CDK5RAP2: variants seen among roughly 807,000 people sequenced by gnomAD.
CDK5RAP2 encodes the protein CDK5 regulatory subunit associated protein 2.
In CDK5RAP2, 147 loss-of-function variants were observed where a neutral mutation model predicts 232.9. The ratio of observed to expected loss-of-function variants is 0.63; its 90% CI spans 0.55 to 0.72. The LOEUF is 0.72. Among genes scored for constraint, CDK5RAP2 ranks in the 30% least tolerant of loss-of-function variants. CDK5RAP2 has a pLI of 0.00. For missense variants in CDK5RAP2, 2,195 were observed against 2,231.5 expected (o/e 0.98, Z 0.33); for synonymous variants, 833 against 833.7 (o/e 1.00, Z 0.01).
At chr9:120,493,048 C>T (rs961760052) in intron 12 of CDK5RAP2, among the ~76,000 whole-genome samples, 9 of 152,182 alleles carry the variant, frequency 5.9e-5, no homozygotes, top group Non-Finnish European at 1.2e-4. Flanking sequence ...AAAGTATAGT[C>T]CCTAGAACAG....
intron 10 of CDK5RAP2, among the ~76,000 whole-genome samples, 187 bp downstream of exon 10, chr9:120,527,619 T>G (rs2040962581): frequency 6.6e-6 from 1 of 152,204 alleles, no homozygotes; most frequent in Non-Finnish European, 1.5e-5. Flanking sequence ...ATATGATATT[T>G]CTATTGGACA....
At chr9:120,480,451 G>A (rs1241802826) in intron 14 of CDK5RAP2, among the ~76,000 whole-genome samples, 1 of 152,124 alleles carries the variant, frequency 6.6e-6, no homozygotes, top group Non-Finnish European at 1.5e-5. Context: ...TAGTTATTTT[G>A]TATATGTTGC....
chr9:120,573,259 T>C (rs903119945), intron 1 of CDK5RAP2, among the ~76,000 whole-genome samples: 21 of 151,998 alleles, frequency 1.4e-4, no homozygotes, highest in African/African-American at 4.6e-4. Context: ...CACAAAAAAA[T>C]GTGTCCGGGC....
At position 120,408,357 on chromosome 9, in the gene CDK5RAP2, C is replaced by G; in HGVS notation, c.4716G>C (p.Arg1572Ser). The G allele has an allele frequency of 1.2e-6, 2 of 1,614,096 alleles. No individual in the cohort carries two copies. The highest frequency in any genetic ancestry group is 2.2e-5 in the South Asian group (2 of 91,086). ...GAAGGGCCTCAGTACCTCTCAGTCT[C>G]CTGTGCTCTTCATCCAGCTTCTCAT... ...KAYEKLDEEH[R>S]RLREASGEGW... The change falls in exon 31 of 38, where the codon AGG (arginine) becomes AGC (serine). Residue 1572 changes from arginine to serine, a missense_variant. By Grantham distance (110) the Arg-to-Ser change is moderately radical. Coordinates refer to ENST00000349780, the MANE Select transcript of CDK5RAP2 (RefSeq NM_018249.6).
intron 10 of CDK5RAP2, among the ~76,000 whole-genome samples, chr9:120,526,756 C>T (rs1409592575): frequency 1.3e-5 from 2 of 152,140 alleles, no homozygotes; most frequent in Non-Finnish European, 2.9e-5. Flanking sequence ...GAAGAAGCTT[C>T]ACCTTCTTCT....
At chr9:120,540,807 T>A (rs2041599461) in intron 5 of CDK5RAP2, among the ~76,000 whole-genome samples, 1 of 152,210 alleles carries the variant, frequency 6.6e-6, no homozygotes. Flanking sequence ...CTGATCAGAG[T>A]GCTCTGCACA....
chr9:120,402,945 T>C lies in CDK5RAP2; in HGVS notation c.5168A>G (p.Asn1723Ser), dbSNP rs1462182643. 3.7e-6 allele frequency: 6 copies of C among 1,614,036 alleles called. No individual in the cohort carries two copies. The Admixed American group carries it at 8.3e-5, about 22-fold the overall frequency. The change falls in exon 34 of 38, where the codon AAT becomes AGT. Residue 1723 changes from asparagine (N) to serine (S), a missense_variant. Asn to Ser is a conservative substitution (Grantham distance 46). Coordinates refer to ENST00000349780, the MANE Select transcript of CDK5RAP2 (RefSeq NM_018249.6). Reference sequence around the variant, plus strand: ...AATCAGGCCCAGGACATGGCGGCCATTCTTGCTGGCCCACAGGTGGTGGCC... The same window carrying C: ...AATCAGGCCCAGGACATGGCGGCCACTCTTGCTGGCCCACAGGTGGTGGCC... ...VTGHHLWASK[N>S]GRHVLGLIED...
At position 120,424,500 on chromosome 9, in the gene CDK5RAP2, T is replaced by C. The variant is rs2034763514; in HGVS notation, c.3956-1759A>G. Among the ~76,000 whole-genome samples, 3 of 152,310 alleles carry C rather than the reference T, an allele frequency of 2.0e-5. No individual in the cohort carries two copies. In the South Asian group the frequency reaches 6.2e-4, roughly 32 times the overall value. ...CCTAATGGGCAGGGACAACTGTGTG[T>C]TAAAAGAACAGCTTAGTCAACATTT... On this transcript the variant is annotated intron_variant, in intron 25 of 37. Coordinates refer to ENST00000349780, the MANE Select transcript of CDK5RAP2 (RefSeq NM_018249.6).
intron 25 of CDK5RAP2, 50 bp from the exon 26 acceptor site, chr9:120,422,791 G>A: frequency 7.1e-7 from 1 of 1,405,678 alleles, no homozygotes. Flanking sequence ...ATGTTTTTAA[G>A]TGTTCCCTAA....
Position 120,389,283 on chromosome 9 carries a change from C to G in CDK5RAP2, c.5635G>C (p.Gly1879Arg). Residue 1879 changes from glycine to arginine, a missense_variant, in exon 38 of 38, where the codon GGG (glycine) becomes CGG (arginine). Coordinates refer to ENST00000349780, the MANE Select transcript of CDK5RAP2 (RefSeq NM_018249.6). ...KARGNLELRP[G>R]GAHPGTCSPS... ...CTGCATGTTCCTGGATGGGCTCCCC[C>G]AGGCCTAAGCTAGGAAAAGGAAGAA... 3.1e-6 allele frequency: 5 copies of G among 1,612,334 alleles called. No individual in the cohort carries two copies. The highest frequency in any genetic ancestry group is 4.2e-6 in the Non-Finnish European group (5 of 1,179,144).
At position 120,475,321 on chromosome 9, in the gene CDK5RAP2, T is replaced by G. The variant is rs190265996; in HGVS notation, c.1727+2029A>C. On this transcript the variant is annotated intron_variant, in intron 15 of 37. Transcript: ENST00000349780. Reference sequence around the variant, plus strand: ...GAAGCCTTTTAAGAAACCTTGTTAGTCCCGGTTAGTCTTTGTTAGTCCGAG... The same window carrying G: ...GAAGCCTTTTAAGAAACCTTGTTAGGCCCGGTTAGTCTTTGTTAGTCCGAG... Among the ~76,000 whole-genome samples the G allele has an allele frequency of 8.9e-4, 136 of 152,280 alleles. 1 individual carries two copies. The highest frequency in any genetic ancestry group is 3.0e-3 in the African/African-American group (124 of 41,560).
chr9:120,550,914 CACAGAAGGGTCATCAAAAGCAAACAAAAG>C lies in CDK5RAP2; in HGVS notation c.196-41_196-13del. The C allele has an allele frequency of 1.3e-6, 2 of 1,496,382 alleles. No homozygotes were observed. Among genetic ancestry groups the C allele is most frequent in the Non-Finnish European group, 1.9e-6 (2 of 1,072,854 alleles). 92.7% of individuals were successfully genotyped at this position (1,496,382 alleles called of 1,614,324 possible). A position where few individuals can be genotyped will look rare whatever the true frequency, so the allele number is the denominator to read the frequency against. ...AATTCAGTGATTTGCTGAAAAATAT[CACAGAAGGGTCATCAAAAGCAAACAAAAG>C]ACAGAGGGTCCAACAGATAGTACAT... is the stretch of plus-strand genomic sequence containing the variant. On this transcript the variant is annotated splice_polypyrimidine_tract_variant and intron_variant, in intron 3 of 37. Coordinates refer to ENST00000349780, the MANE Select transcript of CDK5RAP2 (RefSeq NM_018249.6).
At chr9:120,578,372 A>G (rs2043113670) in intron 1 of CDK5RAP2, among the ~76,000 whole-genome samples, 4 of 152,180 alleles carry the variant, frequency 2.6e-5, no homozygotes, top group Admixed American at 2.6e-4. Context: ...ATATTGGGGC[A>G]GTGGATGTAA....
intron 11 of CDK5RAP2, among the ~76,000 whole-genome samples, chr9:120,524,356 T>C (rs1231638375): frequency 6.6e-6 from 1 of 152,172 alleles, no homozygotes; most frequent in East Asian, 1.9e-4. Flanking sequence ...ACCTCACAAA[T>C]ACGGCCGGGC....
chr9:120,488,804 T>A (rs1301132686), intron 13 of CDK5RAP2, among the ~76,000 whole-genome samples: 1 of 152,240 alleles, frequency 6.6e-6, no homozygotes, highest in African/African-American at 2.4e-5. Context: ...AAATTGACCA[T>A]CTGCATTTTA....
rs1283013763 is a variant in CDK5RAP2 at position 120,403,068 on chromosome 9, G to T, written c.5045C>A (p.Ser1682Ter). 6.2e-7 allele frequency: 1 copy of T among 1,614,124 alleles called. No homozygotes were observed. The highest frequency in any genetic ancestry group is 8.5e-7 in the Non-Finnish European group (1 of 1,179,972). Reference protein sequence around the residue: ...SSQAVTPKSVSETPPLSGNDT... With the variant: ...SSQAVTPKSV ...ATTCCCAGAGAGTGGAGGAGTCTCTGAAACTGTAAAATGAGAAGTAGGATG... is the reference window on the plus strand; with the variant it reads ...ATTCCCAGAGAGTGGAGGAGTCTCTTAAACTGTAAAATGAGAAGTAGGATG... The change falls in exon 34 of 38, where the codon TCA (serine) becomes TAA (stop). Residue 1682 changes from serine to a stop codon, truncating the protein, a stop_gained. Transcript: ENST00000349780. LOFTEE classifies it high-confidence loss of function. This position sits in a 1 kb window ranked among gnomAD's most constrained non-coding sequence, Gnocchi z 4.2.
At chr9:120,572,671 A>G (rs1488682203) in intron 1 of CDK5RAP2, among the ~76,000 whole-genome samples, 1 of 152,176 alleles carries the variant, frequency 6.6e-6, no homozygotes, top group Admixed American at 6.5e-5. Flanking sequence ...GGTGTGACAC[A>G]AAAGACACTA....
chr9:120,512,471 G>C (rs1260496054), intron 12 of CDK5RAP2, among the ~76,000 whole-genome samples: 1 of 152,056 alleles, frequency 6.6e-6, no homozygotes, highest in African/African-American at 2.4e-5. Context: ...ATAAACCTCT[G>C]CAAGTATTTC....
chr9:120,532,318 T>G (rs1370693924), intron 7 of CDK5RAP2: 2 of 152,230 alleles, frequency 1.3e-5, no homozygotes, highest in Non-Finnish European at 2.9e-5. Context: ...CAGTATTAAC[T>G]GCCTTAAAGA....
Sources: gnomAD v4.1 joint callset for allele counts (sites outside exome capture counted in the v4.1 genomes callset) on GRCh38, gnomAD v4.1.1 for gene constraint, Gnocchi (gnomAD v3.1) non-coding constraint, MANE v1.5 for transcripts, NCBI Gene and HGNC (gene_info 2026-07-23, HGNC 2026-07-21) for gene names.